The following AKAP6 variants were observed in gnomAD, a reference collection of about 807,000 sequenced individuals.
AKAP6 encodes the protein A-kinase anchor protein 6.
A neutral mutation model predicts 188.5 loss-of-function variants in AKAP6; 58 were observed. The ratio of observed to expected loss-of-function variants is 0.31; its 90% CI spans 0.25 to 0.38. The LOEUF (loss-of-function observed/expected upper bound fraction) is 0.38, where lower values mean the gene tolerates loss of function less well. Among genes scored for constraint, AKAP6 ranks in the 10% least tolerant of loss-of-function variants. The probability of loss-of-function intolerance (pLI) is 1.00; values close to 1 mark genes in which losing one functional copy is unlikely to be tolerated. For synonymous variants in AKAP6, 989 were observed against 998.6 expected (o/e 0.99, Z 0.18); for missense variants, 2,710 against 2,740.0 (o/e 0.99, Z 0.24).
intron 11 of AKAP6, among the ~76,000 whole-genome samples, chr14:32,772,378 T>C (rs1223563114): frequency 6.6e-6 from 1 of 152,198 alleles, no homozygotes; most frequent in African/African-American, 2.4e-5. Flanking sequence ...TGCGCTGGTA[T>C]AAATTGAATA....
At chr14:32,334,311 AT>A (rs2138391769) in intron 1 of AKAP6, among the ~76,000 whole-genome samples, 1 of 152,288 alleles carries the variant, frequency 6.6e-6, no homozygotes, top group Admixed American at 6.5e-5. Context: ...ATCTCTCACC[AT>A]TACTGTTCTG....
chr14:32,803,294 A>C (rs563421563), intron 12 of AKAP6, among the ~76,000 whole-genome samples: 29 of 149,238 alleles, frequency 1.9e-4, no homozygotes, highest in East Asian at 4.0e-4. Flanking sequence ...AAAAAAAACA[A>C]AACAAATATT....
rs779768846 is a variant in AKAP6, at chr14:32,535,633, C to CTT, written c.405_406dup (p.Tyr136PhefsTer6). ...ACAGAGTTCTCCCTAAAGCTGCTGT[C>CTT]TTACTCTGTCAACGTGATAGTGGAC... is the stretch of plus-strand genomic sequence containing the variant. On this transcript the variant is annotated frameshift_variant, in exon 3 of 14. Transcript: ENST00000280979. LOFTEE classifies it high-confidence loss of function. 1 of 1,614,220 alleles carries CTT rather than the reference C, an allele frequency of 6.2e-7. No individual in the cohort carries two copies. Among genetic ancestry groups the CTT allele is most frequent in the African/African-American group, 1.3e-5 (1 of 75,060 alleles).
chr14:32,640,747 G>T (rs1317413508), intron 7 of AKAP6, among the ~76,000 whole-genome samples: 1 of 152,070 alleles, frequency 6.6e-6, no homozygotes, highest in Non-Finnish European at 1.5e-5. Flanking sequence ...AGAGATCAAG[G>T]TTCTAAATCT....
intron 2 of AKAP6, among the ~76,000 whole-genome samples, chr14:32,530,622 G>A (rs1486803704): frequency 3.3e-5 from 5 of 152,122 alleles, no homozygotes; most frequent in Non-Finnish European, 1.5e-5. Context: ...GCAGCAAAGA[G>A]ATCGTCTCCC....
At chr14:32,463,224 T>G (rs1370086532) in intron 2 of AKAP6, among the ~76,000 whole-genome samples, 1 of 152,090 alleles carries the variant, frequency 6.6e-6, no homozygotes, top group Non-Finnish European at 1.5e-5. Context: ...ATTCAGGGCT[T>G]GAACTCAGCT....
intron 12 of AKAP6, among the ~76,000 whole-genome samples, chr14:32,797,038 C>T (rs2033791246): frequency 6.6e-6 from 1 of 152,162 alleles, no homozygotes; most frequent in Admixed American, 6.5e-5. Flanking sequence ...AGCTCAACAT[C>T]ACTGATCATT....
chr14:32,403,601 C>A (rs1194749767), intron 1 of AKAP6, among the ~76,000 whole-genome samples: 2 of 152,208 alleles, frequency 1.3e-5, no homozygotes, highest in Admixed American at 1.3e-4. Flanking sequence ...GGGCAAATAA[C>A]TTAAACCTTC....
rs1370940260 is a variant in AKAP6, at chr14:32,485,082, C to T, written c.325-50472C>T. Among the ~76,000 whole-genome samples, 21 of 75,062 alleles carry T rather than the reference C, an allele frequency of 2.8e-4. 8 individuals are homozygous for T. The Admixed American group carries it at 3.1e-3, about 11-fold the overall frequency. The allele number at this position is 75,062 out of a possible 152,430, so 49.2% of individuals were successfully genotyped here. ...TTAATTAAAGTGGCTGATTTGCGTT[C>T]AGTTGATGCAGAGTGGGGTTTTGCA... On this transcript the variant is annotated intron_variant, in intron 2 of 13. Transcript: ENST00000280979.
chr14:32,586,765 T>C (rs751688), intron 5 of AKAP6, among the ~76,000 whole-genome samples: 8,540 of 152,344 alleles, frequency 0.056, 341 homozygotes, highest in Admixed American at 0.1. Flanking sequence ...AAATATGCCA[T>C]AATTTACATA....
intron 4 of AKAP6, among the ~76,000 whole-genome samples, chr14:32,548,298 C>T (rs965296361): frequency 5.3e-5 from 8 of 151,976 alleles, no homozygotes; most frequent in African/African-American, 1.2e-4. Flanking sequence ...GACGGGGTTT[C>T]GCCATGTTGG....
chr14:32,413,159 G>T (rs376178768), intron 1 of AKAP6, among the ~76,000 whole-genome samples: 4 of 140,548 alleles, frequency 2.8e-5, no homozygotes, highest in African/African-American at 1.1e-4. Context: ...GGGACAAAAA[G>T]AAAGTATTTA....
chr14:32,679,224 A>AT, intron 8 of AKAP6, among the ~76,000 whole-genome samples: 1 of 152,004 alleles, frequency 6.6e-6, no homozygotes, highest in Non-Finnish European at 1.5e-5. Context: ...AAGTGTATAT[A>AT]TTTTTTCTTT....
Position 32,678,287 on chromosome 14 carries a change from A to G in AKAP6, c.2731-24A>G, listed in dbSNP as rs1385843132. On this transcript the variant is annotated intron_variant, in intron 7 of 13. Coordinates refer to ENST00000280979, the MANE Select transcript of AKAP6 (RefSeq NM_004274.5). ...GCATTCCTTCTGGATTAAAACAGCA[A>G]TTTCTCTTTGTTTCTCTTTCCAGGC... The G allele has an allele frequency of 5.0e-6, 8 of 1,597,240 alleles. No homozygotes were observed. In the African/African-American group the frequency reaches 6.7e-5, roughly 13 times the overall value.
At chr14:32,635,935 A>G (rs11625087) in intron 7 of AKAP6, among the ~76,000 whole-genome samples, 98,352 of 151,870 alleles carry the variant, frequency 0.65, 33,173 homozygotes, top group East Asian at 0.94. Context: ...CAATTTATTC[A>G]TTGCTTTATG....
At chr14:32,440,771 T>C (rs17488344) in intron 2 of AKAP6, among the ~76,000 whole-genome samples, 12,144 of 152,234 alleles carry the variant, frequency 0.08, 643 homozygotes, top group South Asian at 0.22. Context: ...AATTGGAAGA[T>C]GAGGTTGATG....
intron 11 of AKAP6, among the ~76,000 whole-genome samples, chr14:32,743,108 T>G (rs2031749142): frequency 6.6e-6 from 1 of 152,146 alleles, no homozygotes; most frequent in Admixed American, 6.5e-5. Flanking sequence ...GACCCCTTTA[T>G]CATTATATAG....
intron 9 of AKAP6, among the ~76,000 whole-genome samples, chr14:32,731,818 T>G (rs916298156): frequency 1.3e-5 from 2 of 152,196 alleles, no homozygotes; most frequent in Admixed American, 6.6e-5. Context: ...CTTGGCAGTT[T>G]GTTAGAATAT....
At chr14:32,761,417 G>T (rs2032533717) in intron 11 of AKAP6, among the ~76,000 whole-genome samples, 1 of 152,136 alleles carries the variant, frequency 6.6e-6, no homozygotes. Flanking sequence ...ACGAGTTCTA[G>T]GAGTGGCTTG....
Sources: gnomAD v4.1 joint callset for allele counts (sites outside exome capture counted in the v4.1 genomes callset) on GRCh38, gnomAD v4.1.1 for gene constraint, MANE v1.5 for transcripts, NCBI Gene and HGNC (gene_info 2026-07-23, HGNC 2026-07-21) for gene names.